The following DACH2 variants were observed in gnomAD, a reference collection of about 807,000 sequenced individuals.
The protein encoded by DACH2 is dachshund family transcription factor 2, also known as dachshund homolog 2.
A neutral mutation model predicts 35.8 loss-of-function variants in DACH2; 17 were observed. That is an observed-to-expected ratio of 0.48 (90% CI 0.33 to 0.71). DACH2 has a LOEUF of 0.71. DACH2 is among the 30% of genes least tolerant of loss of function. The pLI is 0.02. For missense variants in DACH2, 469 were observed against 472.7 expected, an observed-to-expected ratio of 0.99 and a Z score of 0.07; for synonymous variants, 195 against 177.3, an observed-to-expected ratio of 1.10 and a Z score of -0.79.
chrX:86,479,880 C>T (rs1353292666), intron 2 of DACH2, among the ~76,000 whole-genome samples: 2 of 112,210 alleles, frequency 1.8e-5, no homozygotes, highest in African/African-American at 6.5e-5. Context: ...TCCTTCTCTG[C>T]GTTATCTTAA....
At chrX:86,348,317 C>T (rs759840522) in intron 1 of DACH2, among the ~76,000 whole-genome samples, 2 of 112,273 alleles carry the variant, frequency 1.8e-5, no homozygotes, top group South Asian at 3.7e-4. Flanking sequence ...TCCATTTGAA[C>T]TCTTCTTTAA....
chrX:86,671,763 G>A (rs1000416781), intron 4 of DACH2, among the ~76,000 whole-genome samples: 2 of 112,043 alleles, frequency 1.8e-5, no homozygotes, highest in African/African-American at 6.5e-5. Context: ...TATTAGTACT[G>A]AGGAGTGGGG....
intron 2 of DACH2, among the ~76,000 whole-genome samples, chrX:86,411,293 C>T (rs2036610873): frequency 9.3e-6 from 1 of 107,946 alleles, no homozygotes; most frequent in East Asian, 3.0e-4. Context: ...TAGATTGTGC[C>T]CACCAGATTA....
chrX:86,766,753 C>T (rs1190823215), intron 7 of DACH2, among the ~76,000 whole-genome samples: 1 of 111,830 alleles, frequency 8.9e-6, no homozygotes, highest in Non-Finnish European at 1.9e-5. Context: ...ATATTTTCTC[C>T]ATGTTATATT....
At chrX:86,765,698 G>GTTTTTTTTTTTTTTTTTTTTTTTTT (rs60709865) in intron 7 of DACH2, among the ~76,000 whole-genome samples, 19 of 24,640 alleles carry the variant, frequency 7.7e-4, no homozygotes, top group Admixed American at 1.7e-3. Flanking sequence ...TTGTTTTTTG[G>GTTTTTTTTTTTTTTTTTTTTTTTTT]TTTTTTTTTT....
At chrX:86,602,652 C>T (rs2039804013) in intron 3 of DACH2, among the ~76,000 whole-genome samples, 1 of 111,950 alleles carries the variant, frequency 8.9e-6, no homozygotes, top group Non-Finnish European at 1.9e-5. Flanking sequence ...TTCTTTGGTA[C>T]ATGTCTGTCG....
chrX:86,750,031 T>C (rs973483880), intron 7 of DACH2, among the ~76,000 whole-genome samples: 16 of 111,446 alleles, frequency 1.4e-4, no homozygotes, highest in Non-Finnish European at 2.3e-4. Flanking sequence ...AAGATCATAC[T>C]ATCTGCAAAT....
chrX:86,630,855 C>A lies in DACH2; in HGVS notation c.641-20181C>A, dbSNP rs150499860. Among the ~76,000 whole-genome samples, 556 of 111,153 alleles carry A rather than the reference C, an allele frequency of 5.0e-3. 5 individuals carry two copies. Among genetic ancestry groups the A allele is most frequent in the African/African-American group, 0.017 (532 of 30,546 alleles). On this transcript the variant is annotated intron_variant, in intron 3 of 11. Coordinates refer to ENST00000373125, the MANE Select transcript of DACH2 (RefSeq NM_053281.3). ...ACAGACACCTGAAGTGCCTGTTATG[C>A]ATTTTCAGAAAGGTAACTGCAAATT...
chrX:86,444,845 A>C (rs1460522236), intron 2 of DACH2, among the ~76,000 whole-genome samples: 1 of 111,430 alleles, frequency 9.0e-6, no homozygotes, highest in East Asian at 2.8e-4. Flanking sequence ...AGATCATATA[A>C]GTTTTATCTG....
chrX:86,661,959 C>T (rs1323090961), intron 4 of DACH2, among the ~76,000 whole-genome samples: 3 of 111,759 alleles, frequency 2.7e-5, no homozygotes, highest in Non-Finnish European at 1.9e-5. Flanking sequence ...AACTTTAATG[C>T]CCTCTATAAT....
chrX:86,797,963 T>G (rs1444760807), intron 7 of DACH2, among the ~76,000 whole-genome samples: 1 of 112,417 alleles, frequency 8.9e-6, no homozygotes, highest in Non-Finnish European at 1.9e-5. Context: ...CATGAACGTC[T>G]TAAATAAGTC....
At chrX:86,565,071 A>G (rs1427888833) in intron 3 of DACH2, among the ~76,000 whole-genome samples, 1 of 111,501 alleles carries the variant, frequency 9.0e-6, no homozygotes. Context: ...TCACAAGATG[A>G]AATTGAAATT....
At chrX:86,504,359 G>T (rs1235202155) in intron 2 of DACH2, among the ~76,000 whole-genome samples, 1 of 110,788 alleles carries the variant, frequency 9.0e-6, no homozygotes, top group Non-Finnish European at 1.9e-5. Flanking sequence ...TACTTTTTAA[G>T]TGTATTAGTT....
At chrX:86,789,462 A>G (rs1007918878) in intron 7 of DACH2, among the ~76,000 whole-genome samples, 6 of 111,989 alleles carry the variant, frequency 5.4e-5, no homozygotes, top group Admixed American at 1.9e-4. Context: ...TGCATCTGGT[A>G]TCAATAATTT....
intron 1 of DACH2, among the ~76,000 whole-genome samples, chrX:86,250,087 T>C (rs1349367025): frequency 9.0e-6 from 1 of 111,015 alleles, no homozygotes; most frequent in Non-Finnish European, 1.9e-5. Flanking sequence ...GAATAAAAAA[T>C]TACCTATCAG....
chrX:86,389,823 T>A (rs755355004), intron 2 of DACH2, among the ~76,000 whole-genome samples: 1 of 112,400 alleles, frequency 8.9e-6, no homozygotes, highest in Non-Finnish European at 1.9e-5. Context: ...ACCGAATTAC[T>A]CGATAACGAG....
chrX:86,332,239 A>G (rs1257120035), intron 1 of DACH2, among the ~76,000 whole-genome samples: 1 of 111,543 alleles, frequency 9.0e-6, no homozygotes, highest in African/African-American at 3.3e-5. Context: ...TTTTGTAACA[A>G]ACAAAATACT....
At chrX:86,327,582 A>G (rs1028394958) in intron 1 of DACH2, among the ~76,000 whole-genome samples, 14 of 107,492 alleles carry the variant, frequency 1.3e-4, no homozygotes, top group African/African-American at 4.3e-4. Context: ...TGAGTACAAG[A>G]AAAAAGGTAG....
chrX:86,508,564 T>TA (rs200231659), intron 2 of DACH2, among the ~76,000 whole-genome samples: 13,745 of 103,640 alleles, frequency 0.13, 861 homozygotes, highest in East Asian at 0.24. Context: ...TGTCTCAAAA[T>TA]AAAAAAAAAA....
Sources: gnomAD v4.1 joint callset for allele counts (sites outside exome capture counted in the v4.1 genomes callset) on GRCh38, gnomAD v4.1.1 for gene constraint, MANE v1.5 for transcripts, NCBI Gene and HGNC (gene_info 2026-07-23, HGNC 2026-07-21) for gene names.